LYPD6: variants seen among roughly 807,000 people sequenced by gnomAD.
LYPD6 encodes the protein LY6/PLAUR domain containing 6.
Under a neutral mutation model 22.7 loss-of-function variants are expected in LYPD6, and 15 were observed. The ratio of observed to expected loss-of-function variants is 0.66; its 90% confidence interval spans 0.44 to 1.02. LYPD6 has a LOEUF of 1.02. Ranked by LOEUF, LYPD6 falls within the 50% of genes least tolerant of loss-of-function variation. The pLI is 0.00. For synonymous variants in LYPD6, 72 were observed against 77.5 expected, an observed-to-expected ratio of 0.93 and a Z score of 0.37; for missense variants, 189 against 208.4, an observed-to-expected ratio of 0.91 and a Z score of 0.57.
intron 3 of LYPD6, among the ~76,000 whole-genome samples, chr2:149,461,820 C>G (rs1484573125): frequency 6.6e-6 from 1 of 151,836 alleles, no homozygotes. Context: ...TCATATCAAC[C>G]AATGTAAAAC....
At chr2:149,331,915 C>A (rs1282861086) in intron 1 of LYPD6, among the ~76,000 whole-genome samples, 1 of 152,184 alleles carries the variant, frequency 6.6e-6, no homozygotes, top group Non-Finnish European at 1.5e-5. Flanking sequence ...ATTATTAGAG[C>A]AATTCCCTTA....
At chr2:149,332,703 A>G (rs532035348) in intron 1 of LYPD6, among the ~76,000 whole-genome samples, 8 of 152,066 alleles carry the variant, frequency 5.3e-5, no homozygotes, top group African/African-American at 9.6e-5. Context: ...TTGTTTACCT[A>G]CTTCTGATTT....
At chr2:149,466,605 C>T (rs940693984) in intron 3 of LYPD6, among the ~76,000 whole-genome samples, 1 of 152,116 alleles carries the variant, frequency 6.6e-6, no homozygotes, top group Admixed American at 6.6e-5. Context: ...ATACGCTCTC[C>T]ATTATGTATA....
chr2:149,425,118 T>C lies in LYPD6; in HGVS notation c.-71-12520T>C, dbSNP rs912289206. On this transcript the variant is annotated intron_variant, in intron 1 of 4. Coordinates refer to ENST00000334166, the MANE Select transcript of LYPD6 (RefSeq NM_194317.5). ...GGAAGGAAGGATTATGGATGTCTTA[T>C]TGGTTTTCATGGATAATGCCTGTGT... Among the ~76,000 whole-genome samples the C allele has an allele frequency of 8.5e-5, 13 of 152,216 alleles. 1 individual carries two copies. The highest frequency in any genetic ancestry group is 2.9e-5 in the Non-Finnish European group (2 of 68,044).
Position 149,449,076 on chromosome 2 carries a change from G to GTT in LYPD6, c.148_149dup (p.Thr51SerfsTer97). 6.2e-7 allele frequency: 1 copy of GTT among 1,613,344 alleles called. No homozygotes were observed. Among genetic ancestry groups the GTT allele is most frequent in the Non-Finnish European group, 8.5e-7 (1 of 1,179,622 alleles). ...ACACCATATCCTGGTGGATTTAAAT[G>GTT]TTTCACCTGTGAAAAGGCAGCAGAC... is the stretch of plus-strand genomic sequence containing the variant. On this transcript the variant is annotated frameshift_variant, in exon 3 of 5. Coordinates refer to ENST00000334166, the MANE Select transcript of LYPD6 (RefSeq NM_194317.5). LOFTEE classifies it high-confidence loss of function.
intron 1 of LYPD6, among the ~76,000 whole-genome samples, chr2:149,338,304 A>G (rs557940584): frequency 1.3e-5 from 2 of 152,340 alleles, no homozygotes; most frequent in East Asian, 1.9e-4. Context: ...CTCTGCAACC[A>G]TGTCAGCATC....
rs114382259 is a variant in LYPD6, at chr2:149,449,118, G to A, written c.188G>A (p.Arg63Gln). ...GCAGCAGACAATTATGAGTGCAACCGATGGGCTCCAGACATCTACTGCCCT... is the reference window on the plus strand; with the variant it reads ...GCAGCAGACAATTATGAGTGCAACCAATGGGCTCCAGACATCTACTGCCCT... ...EKAADNYECN[R>Q]WAPDIYCPRE... The change falls in exon 3 of 5, where the codon CGA becomes CAA. Residue 63 changes from arginine to glutamine, a missense_variant. Arg to Gln is a conservative substitution (Grantham distance 43). Coordinates refer to ENST00000334166, the MANE Select transcript of LYPD6 (RefSeq NM_194317.5). 1.9e-5 allele frequency: 30 copies of A among 1,613,076 alleles called. No homozygotes were observed. The East Asian group carries it at 4.7e-4, about 25-fold the overall frequency.
intron 1 of LYPD6, among the ~76,000 whole-genome samples, chr2:149,352,225 C>T (rs774538191): frequency 5.9e-5 from 9 of 152,010 alleles, no homozygotes; most frequent in Middle Eastern, 3.2e-3. Flanking sequence ...CTGCCATATC[C>T]GATAGTTGTC....
intron 1 of LYPD6, among the ~76,000 whole-genome samples, chr2:149,336,928 C>CTTGTGT (rs59618488): frequency 0.049 from 7,304 of 148,344 alleles, 260 homozygotes; most frequent in Admixed American, 0.1. Flanking sequence ...GTTGAAATAA[C>CTTGTGT]GTGTGTGTGT....
chr2:149,481,665 T>G, the LYPD6 span, among the ~76,000 whole-genome samples: 1 of 152,318 alleles, frequency 6.6e-6, no homozygotes, highest in Non-Finnish European at 1.5e-5. Flanking sequence ...TCTAAAGACA[T>G]TTTCAAGTCA....
intron 1 of LYPD6, among the ~76,000 whole-genome samples, chr2:149,431,486 G>A (rs1307774587): frequency 1.3e-5 from 2 of 152,192 alleles, no homozygotes; most frequent in Non-Finnish European, 2.9e-5. Context: ...TAGGTTAATT[G>A]TGAATGCATG....
At chr2:149,377,618 A>G (rs771823184) in intron 1 of LYPD6, among the ~76,000 whole-genome samples, 37 of 152,162 alleles carry the variant, frequency 2.4e-4, no homozygotes, top group Non-Finnish European at 4.3e-4. Flanking sequence ...CGCCTCTACT[A>G]CAAATACAAA....
At chr2:149,330,908 G>C (rs896891402) in intron 1 of LYPD6, among the ~76,000 whole-genome samples, 186 bp downstream of exon 1, 2 of 152,170 alleles carry the variant, frequency 1.3e-5, no homozygotes, top group African/African-American at 4.8e-5. Context: ...CCCCTAGTGG[G>C]CAGAGAGCCC....
At chr2:149,404,453 C>T (rs762731721) in intron 1 of LYPD6, among the ~76,000 whole-genome samples, 1 of 152,104 alleles carries the variant, frequency 6.6e-6, no homozygotes, top group African/African-American at 2.4e-5. Context: ...CTTCACATCC[C>T]TTGTAAGTTG....
intron 1 of LYPD6, among the ~76,000 whole-genome samples, chr2:149,404,051 G>A (rs1036853170): frequency 1.4e-4 from 21 of 151,960 alleles, no homozygotes; most frequent in Admixed American, 2.6e-4. Context: ...GTAGATATGC[G>A]CCATTATTTC....
At chr2:149,347,070 G>A (rs1573732020) in intron 1 of LYPD6, among the ~76,000 whole-genome samples, 2 of 152,262 alleles carry the variant, frequency 1.3e-5, no homozygotes, top group African/African-American at 4.8e-5. Context: ...CAGGTCTGGT[G>A]TCTGGTGACT....
At chr2:149,403,243 C>T (rs1040068393) in intron 1 of LYPD6, among the ~76,000 whole-genome samples, 4 of 151,778 alleles carry the variant, frequency 2.6e-5, no homozygotes, top group Admixed American at 2.6e-4. Context: ...TGGGTATATA[C>T]CCAGTAATGG....
intron 2 of LYPD6, among the ~76,000 whole-genome samples, chr2:149,442,523 G>T (rs1179538334): frequency 6.6e-6 from 1 of 151,838 alleles, no homozygotes; most frequent in Non-Finnish European, 1.5e-5. Context: ...CTGTGATCAA[G>T]AGCCAAATTA....
chr2:149,348,923 T>A (rs1437063904), intron 1 of LYPD6, among the ~76,000 whole-genome samples: 4 of 151,636 alleles, frequency 2.6e-5, no homozygotes, highest in Admixed American at 2.6e-4. Flanking sequence ...TTGGAAAGAG[T>A]GGAGGAGAGG....
Sources: gnomAD v4.1 joint callset for allele counts (sites outside exome capture counted in the v4.1 genomes callset) on GRCh38, gnomAD v4.1.1 for gene constraint, MANE v1.5 for transcripts, NCBI Gene and HGNC (gene_info 2026-07-23, HGNC 2026-07-21) for gene names.